C2CD4B: variants seen among roughly 807,000 people sequenced by gnomAD.
The protein encoded by C2CD4B is C2 calcium dependent domain containing 4B.
For missense variants in C2CD4B, 644 were observed against 577.7 expected (o/e 1.11, Z -1.18); for synonymous variants, 347 against 284.9 (o/e 1.22, Z -2.20).
chr15:62,164,890 T>G lies in C2CD4B; in HGVS notation c.95A>C (p.Glu32Ala). Residue 32 changes from glutamate to alanine, a missense_variant, in exon 2 of 2, where the codon GAA becomes GCA. By Grantham distance (107) the Glu-to-Ala change is moderately radical. Coordinates refer to ENST00000380392, the MANE Select transcript of C2CD4B (RefSeq NM_001007595.3). ...AKVLTPNRIP[E>A]FCIPPRLPAP... is the part of the protein sequence containing the mutation. Reference sequence around the variant, plus strand: ...CGGCAGCCGCGGCGGGATGCAGAATTCGGGGATGCGATTCGGCGTGAGCAC... The same window carrying G: ...CGGCAGCCGCGGCGGGATGCAGAATGCGGGGATGCGATTCGGCGTGAGCAC... 3 of 1,527,286 alleles carry G rather than the reference T, an allele frequency of 2.0e-6. No individual in the cohort carries two copies. The highest frequency in any genetic ancestry group is 1.8e-6 in the Non-Finnish European group (2 of 1,141,642). The allele number at this position is 1,527,286 out of a possible 1,614,324, so 94.6% of individuals were successfully genotyped here. A position where few individuals can be genotyped will look rare whatever the true frequency, so the allele number is the denominator to read the frequency against.
Position 62,164,946 on chromosome 15 carries a change from G to C in C2CD4B, c.39C>G (p.Gly13=), listed in dbSNP as rs1333809544. The change falls in exon 2 of 2, where the codon GGC becomes GGG. Residue 13 remains glycine (G), a synonymous_variant. Transcript: ENST00000380392. ...CGAAGGCGGGCTTCGGCGCGGAGCT[G>C]CCTGCGGCCGAGGAACAGAGTTTCT... ...LLEKLCSSAA[G]SSAPKPAFAK... 2 of 1,531,018 alleles carry C rather than the reference G, an allele frequency of 1.3e-6. No individual in the cohort carries two copies. Among genetic ancestry groups the C allele is most frequent in the South Asian group, 1.2e-5 (1 of 83,412 alleles). The allele number at this position is 1,531,018 out of a possible 1,614,324, so 94.8% of individuals were successfully genotyped here.
chr15:62,164,783 C>T lies in C2CD4B; in HGVS notation c.202G>A (p.Ala68Thr). The stretch of plus-strand genomic sequence containing the variant: ...GTGCGGCCGGCGTCCTCGTCTGCCG[C>T]GCGGGGCCACAGGTCGCTTTCAGCG... ...CAAESDLWPR[A>T]ADEDAGRTDW... is the part of the protein sequence containing the mutation. Residue 68 changes from alanine (A) to threonine (T), a missense_variant, in exon 2 of 2, where the codon GCG becomes ACG. By Grantham distance (58) the Ala-to-Thr change is moderately conservative. Coordinates refer to ENST00000380392, the MANE Select transcript of C2CD4B (RefSeq NM_001007595.3). The T allele has an allele frequency of 2.0e-6, 3 of 1,478,424 alleles. No individual in the cohort carries two copies. The highest frequency in any genetic ancestry group is 2.7e-6 in the Non-Finnish European group (3 of 1,125,322). The allele number at this position is 1,478,424 out of a possible 1,614,324, so 91.6% of individuals were successfully genotyped here.
rs762439634 is a variant in C2CD4B, at chr15:62,164,142, C to A, written c.843G>T (p.Gly281=). The part of the protein sequence containing the change: ...RAESLFGGAP[G]PRAVRCRLSL... Reference sequence around the variant, plus strand: ...TGAGGCGGCAGCGGACGGCGCGGGGCCCGGGGGCGCCTCCGAACAGGCTCT... The same window carrying A: ...TGAGGCGGCAGCGGACGGCGCGGGGACCGGGGGCGCCTCCGAACAGGCTCT... The change falls in exon 2 of 2, where the codon GGG becomes GGT. Residue 281 remains glycine (G), a synonymous_variant. Transcript: ENST00000380392. The A allele has an allele frequency of 4.8e-6, 7 of 1,455,258 alleles. No individual in the cohort carries two copies. The Admixed American group carries it at 1.6e-4, about 34-fold the overall frequency. 90.1% of individuals were successfully genotyped at this position (1,455,258 alleles called of 1,614,324 possible).
At position 62,164,654 on chromosome 15, in the gene C2CD4B, G is replaced by A. The variant is rs1345678794; in HGVS notation, c.331C>T (p.Arg111Cys). The change falls in exon 2 of 2, where the codon CGC (arginine) becomes TGC (cysteine). Residue 111 changes from arginine (R) to cysteine (C), a missense_variant. Coordinates refer to ENST00000380392, the MANE Select transcript of C2CD4B (RefSeq NM_001007595.3). ...CCCCCGAGCAGGAGCGACTCCTTGC[G>A]GCGCGTGTGCGGGCTCTCGAGCAGC... The part of the protein sequence containing the change: ...CALLESPHTR[R>C]KESLLLGGPP... 91 of 1,426,474 alleles carry A rather than the reference G, an allele frequency of 6.4e-5. No homozygotes were observed. Among genetic ancestry groups the A allele is most frequent in the Admixed American group, 1.6e-4 (6 of 38,032 alleles). 88.4% of individuals were successfully genotyped at this position (1,426,474 alleles called of 1,614,324 possible). A position where few individuals can be genotyped will look rare whatever the true frequency, so the allele number is the denominator to read the frequency against.
chr15:62,163,568 C>G lies in C2CD4B; in HGVS notation c.*322G>C. 1 of 300,546 alleles carries G rather than the reference C, an allele frequency of 3.3e-6. No individual in the cohort carries two copies. The highest frequency in any genetic ancestry group is 6.1e-6 in the Non-Finnish European group (1 of 165,240). 18.6% of individuals were successfully genotyped at this position (300,546 alleles called of 1,614,324 possible). A position where few individuals can be genotyped will look rare whatever the true frequency, so the allele number is the denominator to read the frequency against. On this transcript the variant is annotated 3_prime_UTR_variant, in exon 2 of 2. Coordinates refer to ENST00000380392, the MANE Select transcript of C2CD4B (RefSeq NM_001007595.3). ...AATAACTTGCTTTATTAAAAAAAAA[C>G]TGTAACATTGATAGAAAACCGGAAG... is the stretch of plus-strand genomic sequence containing the variant.
intron 1 of C2CD4B, 40 bp from the exon 2 acceptor site, chr15:62,165,064 C>G (rs1017339439): frequency 2.1e-6 from 3 of 1,420,954 alleles, no homozygotes; most frequent in Non-Finnish European, 1.8e-6. Flanking sequence ...GCGCCTGGAG[C>G]TGCTGCAGCC....
Position 62,163,665 on chromosome 15 carries a change from A to C in C2CD4B, c.*225T>G. ...CCAAGCCAACCCATTTTTCCTTGGA[A>C]TGCAAAAATGGTCTGGAAAGAGATA... On this transcript the variant is annotated 3_prime_UTR_variant, in exon 2 of 2. Transcript: ENST00000380392. 1 of 548,690 alleles carries C rather than the reference A, an allele frequency of 1.8e-6. No individual in the cohort carries two copies. The allele number at this position is 548,690 out of a possible 1,614,324, so 34.0% of individuals were successfully genotyped here.
Position 62,164,188 on chromosome 15 carries a change from C to A in C2CD4B, c.797G>T (p.Arg266Leu). Residue 266 changes from arginine (R) to leucine (L), a missense_variant, in exon 2 of 2, where the codon CGC (arginine) becomes CTC (leucine). Coordinates refer to ENST00000380392, the MANE Select transcript of C2CD4B (RefSeq NM_001007595.3). ...GCTCTCCGCGCGGAGCAGCCGGAGG[C>A]GGAGACGCCGGGTTCCCGGACAGTA... Reference protein sequence around the residue: ...AEYCPGTRRLRLRLLRAESLF... With the variant: ...AEYCPGTRRLLLRLLRAESLF... The A allele has an allele frequency of 6.8e-7, 1 of 1,476,004 alleles. No individual in the cohort carries two copies. The highest frequency in any genetic ancestry group is 8.9e-7 in the Non-Finnish European group (1 of 1,122,340). 91.4% of individuals were successfully genotyped at this position (1,476,004 alleles called of 1,614,324 possible).
rs1357024890 is a variant in C2CD4B at position 62,163,730 on chromosome 15, T to C, written c.*160A>G. The C allele has an allele frequency of 2.8e-6, 3 of 1,077,990 alleles. No homozygotes were observed. The highest frequency in any genetic ancestry group is 7.6e-5 in the Admixed American group (2 of 26,332). 66.8% of individuals were successfully genotyped at this position (1,077,990 alleles called of 1,614,324 possible). ...ACAGAACAGGGAGTCATTATCTTTT[T>C]CTTCTTTACCAATAGACGATGACAA... On this transcript the variant is annotated 3_prime_UTR_variant, in exon 2 of 2. Transcript: ENST00000380392.
chr15:62,163,990 AG>A lies in C2CD4B; in HGVS notation c.994del (p.Leu332TrpfsTer50). 1 of 1,600,600 alleles carries A rather than the reference AG, an allele frequency of 6.2e-7. No individual in the cohort carries two copies. Among genetic ancestry groups the A allele is most frequent in the Non-Finnish European group, 8.5e-7 (1 of 1,175,916 alleles). ...DGLSEDEVRR[L>X]AVRVKARDEG... ...ATCCCGGGCCTTGACGCGAACGGCC[AG>A]GCGGCGCACCTCGTCTTCCGAGAGG... On this transcript the variant is annotated frameshift_variant, in exon 2 of 2. Coordinates refer to ENST00000380392, the MANE Select transcript of C2CD4B (RefSeq NM_001007595.3). LOFTEE classifies it low-confidence loss of function (END_TRUNC).
At position 62,165,253 on chromosome 15, in the gene C2CD4B, A is replaced by T. The variant is rs1019140227; in HGVS notation, c.-99T>A. 1 of 422,080 alleles carries T rather than the reference A, an allele frequency of 2.4e-6. No homozygotes were observed. Among genetic ancestry groups the T allele is most frequent in the South Asian group, 6.2e-5 (1 of 16,136 alleles). The allele number at this position is 422,080 out of a possible 1,614,324, so 26.1% of individuals were successfully genotyped here. A position where few individuals can be genotyped will look rare whatever the true frequency, so the allele number is the denominator to read the frequency against. On this transcript the variant is annotated 5_prime_UTR_variant, in exon 1 of 2. Transcript: ENST00000380392. ...TGCAAGCTCAGTGCCAGTGGCCTCT[A>T]GCCCGCTGCCGAGGCGCCACCTTCA...
rs1282299080 is a variant in C2CD4B, at chr15:62,164,696, T to C, written c.289A>G (p.Thr97Ala). Residue 97 changes from threonine to alanine, a missense_variant, in exon 2 of 2, where the codon ACC becomes GCC. Thr to Ala is a moderately conservative substitution (Grantham distance 58, BLOSUM62 0). Coordinates refer to ENST00000380392, the MANE Select transcript of C2CD4B (RefSeq NM_001007595.3). ...TCGAGCAGCGCGCAGAAGCCGTAGG[T>C]GGTGCGCACACGGGGCAGGTGCGGC... ...SLPHLPRVRT[T>A]YGFCALLESP... 11 of 1,470,030 alleles carry C rather than the reference T, an allele frequency of 7.5e-6. No individual in the cohort carries two copies. Among genetic ancestry groups the C allele is most frequent in the Admixed American group, 7.2e-5 (3 of 41,564 alleles). The allele number at this position is 1,470,030 out of a possible 1,614,324, so 91.1% of individuals were successfully genotyped here. A position where few individuals can be genotyped will look rare whatever the true frequency, so the allele number is the denominator to read the frequency against.
In C2CD4B at chr15:62,163,556, A is replaced by G. The variant is rs1293164802; in HGVS notation, c.*334T>C. 1 of 277,076 alleles carries G rather than the reference A, an allele frequency of 3.6e-6. No homozygotes were observed. The highest frequency in any genetic ancestry group is 6.7e-6 in the Non-Finnish European group (1 of 150,012). 17.2% of individuals were successfully genotyped at this position (277,076 alleles called of 1,614,324 possible). ...TGACTCTGAATGAATAACTTGCTTTATTAAAAAAAAACTGTAACATTGATA... is the reference window on the plus strand; with the variant it reads ...TGACTCTGAATGAATAACTTGCTTTGTTAAAAAAAAACTGTAACATTGATA... On this transcript the variant is annotated 3_prime_UTR_variant, in exon 2 of 2. Transcript: ENST00000380392.
chr15:62,163,813 A>G lies in C2CD4B; in HGVS notation c.*77T>C. On this transcript the variant is annotated 3_prime_UTR_variant, in exon 2 of 2. Coordinates refer to ENST00000380392, the MANE Select transcript of C2CD4B (RefSeq NM_001007595.3). ...AGCAGTATCATAAATAAAAAAATAA[A>G]TAACGTTTATTCTGTACCACGCGGC... 5 of 1,361,854 alleles carry G rather than the reference A, an allele frequency of 3.7e-6. No individual in the cohort carries two copies. In the South Asian group the frequency reaches 9.0e-5, roughly 24 times the overall value. 84.4% of individuals were successfully genotyped at this position (1,361,854 alleles called of 1,614,324 possible).
Position 62,163,806 on chromosome 15 carries a change from A to G in C2CD4B, c.*84T>C. The G allele has an allele frequency of 7.4e-7, 1 of 1,359,928 alleles. No individual in the cohort carries two copies. Among genetic ancestry groups the G allele is most frequent in the Non-Finnish European group, 9.4e-7 (1 of 1,058,960 alleles). 84.2% of individuals were successfully genotyped at this position (1,359,928 alleles called of 1,614,324 possible). ...TCAATAAAGCAGTATCATAAATAAA[A>G]AAATAAATAACGTTTATTCTGTACC... On this transcript the variant is annotated 3_prime_UTR_variant, in exon 2 of 2. Transcript: ENST00000380392.
Position 62,164,922 on chromosome 15 carries a change from G to A in C2CD4B, c.63C>T (p.Phe21=), listed in dbSNP as rs929135339. Residue 21 remains phenylalanine (F), a synonymous_variant, in exon 2 of 2, where the codon TTC becomes TTT. Coordinates refer to ENST00000380392, the MANE Select transcript of C2CD4B (RefSeq NM_001007595.3). ...AAGSSAPKPA[F]AKVLTPNRIP... ...TGCGATTCGGCGTGAGCACTTTGGC[G>A]AAGGCGGGCTTCGGCGCGGAGCTGC... is the stretch of plus-strand genomic sequence containing the variant. The A allele has an allele frequency of 2.0e-6, 3 of 1,537,908 alleles. No homozygotes were observed. The highest frequency in any genetic ancestry group is 1.4e-5 in the African/African-American group (1 of 71,648).
At position 62,164,442 on chromosome 15, in the gene C2CD4B, G is replaced by T; in HGVS notation, c.543C>A (p.Asp181Glu). The part of the protein sequence containing the change: ...PRRCRLLRVP[D>E]GLLSRALRAG... ...CCCGCAGCGCGCGACTCAGCAGCCC[G>T]TCGGGGACGCGCAGGAGGCGGCAGC... Residue 181 changes from aspartate (D) to glutamate (E), a missense_variant, in exon 2 of 2, where the codon GAC (aspartate) becomes GAA (glutamate). Coordinates refer to ENST00000380392, the MANE Select transcript of C2CD4B (RefSeq NM_001007595.3). 1 of 1,326,152 alleles carries T rather than the reference G, an allele frequency of 7.5e-7. No individual in the cohort carries two copies. The highest frequency in any genetic ancestry group is 9.6e-7 in the Non-Finnish European group (1 of 1,044,420). The allele number at this position is 1,326,152 out of a possible 1,614,324, so 82.1% of individuals were successfully genotyped here.
chr15:62,163,757 T>G lies in C2CD4B; in HGVS notation c.*133A>C, dbSNP rs1596581726. 1 of 1,209,796 alleles carries G rather than the reference T, an allele frequency of 8.3e-7. No individual in the cohort carries two copies. Among genetic ancestry groups the G allele is most frequent in the Non-Finnish European group, 1.1e-6 (1 of 932,698 alleles). The allele number at this position is 1,209,796 out of a possible 1,614,324, so 74.9% of individuals were successfully genotyped here. A position where few individuals can be genotyped will look rare whatever the true frequency, so the allele number is the denominator to read the frequency against. On this transcript the variant is annotated 3_prime_UTR_variant, in exon 2 of 2. Transcript: ENST00000380392. ...TTCTTTACCAATAGACGATGACAAA[T>G]GTGGATGGTGAGGAAGTAAAACGTC...
At position 62,164,519 on chromosome 15, in the gene C2CD4B, CCGCGGGGGT is replaced by C; in HGVS notation, c.457_465del (p.Thr153_Ala155del). On this transcript the variant is annotated inframe_deletion, in exon 2 of 2. Coordinates refer to ENST00000380392, the MANE Select transcript of C2CD4B (RefSeq NM_001007595.3). ...TGGGGCAGGCGGGGACCGCCGGGGG[CCGCGGGGGT>C]GGCCGGGCCCGGACCTCGCGGGCCG... The C allele has an allele frequency of 8.6e-7, 1 of 1,169,394 alleles. No homozygotes were observed. The highest frequency in any genetic ancestry group is 1.1e-6 in the Non-Finnish European group (1 of 949,510). The allele number at this position is 1,169,394 out of a possible 1,614,324, so 72.4% of individuals were successfully genotyped here. A position where few individuals can be genotyped will look rare whatever the true frequency, so the allele number is the denominator to read the frequency against.
Sources: allele counts gnomAD v4.1 joint callset, GRCh38; gene constraint gnomAD v4.1.1; transcripts MANE v1.5; gene names NCBI Gene and HGNC (gene_info 2026-07-23, HGNC 2026-07-21).